Variants in DLG2 observed in about 807,000 individuals in gnomAD.
The protein encoded by DLG2 is disks large homolog 2.
A neutral mutation model predicts 132.5 loss-of-function variants in DLG2; 45 were observed. The observed-to-expected ratio is 0.34, with a 90% CI of 0.27 to 0.44. DLG2 has a LOEUF of 0.44. Ranked by LOEUF, DLG2 falls within the 20% of genes least tolerant of loss-of-function variation. The probability of loss-of-function intolerance (pLI) is 1.00; values close to 1 mark genes in which losing one functional copy is unlikely to be tolerated. For missense variants in DLG2, 1,045 were observed against 1,196.9 expected (o/e 0.87, Z 1.87); for synonymous variants, 424 against 419.6 (o/e 1.01, Z -0.13).
At chr11:85,064,741 A>G in intron 6 of DLG2, among the ~76,000 whole-genome samples, 1 of 151,772 alleles carries the variant, frequency 6.6e-6, no homozygotes, top group Non-Finnish European at 1.5e-5. Flanking sequence ...ATTAAAACAG[A>G]TTACCCTTCA....
intron 14 of DLG2, among the ~76,000 whole-genome samples, chr11:83,955,323 T>G (rs2086554456): frequency 6.6e-6 from 1 of 152,188 alleles, no homozygotes; most frequent in African/African-American, 2.4e-5. Flanking sequence ...ACACACCTAA[T>G]CACTCTGTTA....
At chr11:85,565,714 C>T (rs925024207) in intron 3 of DLG2, among the ~76,000 whole-genome samples, 4 of 152,044 alleles carry the variant, frequency 2.6e-5, no homozygotes, top group African/African-American at 9.7e-5. Flanking sequence ...CAAATGGGTA[C>T]TCCACTGTGA....
At chr11:83,499,604 AC>A (rs1179596471) in intron 21 of DLG2, among the ~76,000 whole-genome samples, 1 of 149,262 alleles carries the variant, frequency 6.7e-6, no homozygotes, top group Non-Finnish European at 1.5e-5. Flanking sequence ...CCCTTTCAAC[AC>A]CCTCTACACT....
At chr11:84,212,736 T>C (rs10751109) in intron 8 of DLG2, among the ~76,000 whole-genome samples, 121,047 of 152,060 alleles carry the variant, frequency 0.8, 49,661 homozygotes, top group Middle Eastern at 0.93. Flanking sequence ...CTCGGCTCAC[T>C]GCAACCTCCG....
At chr11:84,487,476 C>A (rs2154494991) in intron 7 of DLG2, among the ~76,000 whole-genome samples, 1 of 152,000 alleles carries the variant, frequency 6.6e-6, no homozygotes, top group South Asian at 2.1e-4. Flanking sequence ...GGGAAAGAGT[C>A]AGATGTATTT....
intron 6 of DLG2, among the ~76,000 whole-genome samples, chr11:84,622,810 A>T (rs1316470061): frequency 6.6e-6 from 1 of 152,186 alleles, no homozygotes; most frequent in Non-Finnish European, 1.5e-5. Context: ...CTAAACATGG[A>T]AAGCTTTGAA....
At chr11:85,346,000 G>A (rs1220066473) in intron 3 of DLG2, among the ~76,000 whole-genome samples, 4 of 151,898 alleles carry the variant, frequency 2.6e-5, no homozygotes, top group African/African-American at 9.7e-5. Context: ...AGAATTCAGG[G>A]CGAGTCCACA....
chr11:84,604,047 G>T (rs1339194368), intron 6 of DLG2, among the ~76,000 whole-genome samples: 1 of 151,948 alleles, frequency 6.6e-6, no homozygotes, highest in African/African-American at 2.4e-5. Context: ...GTAATAAGCT[G>T]CTACTAATTT....
chr11:85,343,010 T>G (rs55670353), intron 3 of DLG2, among the ~76,000 whole-genome samples: 1 of 151,784 alleles, frequency 6.6e-6, no homozygotes, highest in African/African-American at 2.4e-5. Context: ...TCTCCCTAAC[T>G]TTAATGCTGT....
intron 3 of DLG2, among the ~76,000 whole-genome samples, chr11:85,332,790 C>G (rs1375276709): frequency 6.6e-6 from 1 of 152,084 alleles, no homozygotes; most frequent in Non-Finnish European, 1.5e-5. Flanking sequence ...TTTCCAGGTT[C>G]TCTAACTTGC....
intron 3 of DLG2, among the ~76,000 whole-genome samples, chr11:85,437,870 C>T (rs963711737): frequency 2.0e-5 from 3 of 152,120 alleles, no homozygotes; most frequent in Admixed American, 6.6e-5. Flanking sequence ...GACGTACTCA[C>T]CCACACTATC....
At chr11:83,679,303 A>T (rs979246666) in intron 18 of DLG2, among the ~76,000 whole-genome samples, 4 of 152,182 alleles carry the variant, frequency 2.6e-5, no homozygotes, top group African/African-American at 4.8e-5. Flanking sequence ...GACATCATAA[A>T]CTATATTTAC....
At chr11:84,107,013 T>TGTGTGTGTGTGAGAGAGAGA (rs1555348732) in intron 9 of DLG2, among the ~76,000 whole-genome samples, 1 of 126,106 alleles carries the variant, frequency 7.9e-6, no homozygotes. Flanking sequence ...TGTGTGTGTG[T>TGTGTGTGTGTGAGAGAGAGA]GAGAGAGTTT....
At chr11:84,767,635 T>TA (rs1236781414) in intron 6 of DLG2, among the ~76,000 whole-genome samples, 1 of 152,014 alleles carries the variant, frequency 6.6e-6, no homozygotes, top group Non-Finnish European at 1.5e-5. Context: ...TTTTTTTTTT[T>TA]ATTAAGCTAT....
chr11:83,538,471 T>C (rs1184219237), intron 20 of DLG2, among the ~76,000 whole-genome samples: 1 of 152,224 alleles, frequency 6.6e-6, no homozygotes, highest in Non-Finnish European at 1.5e-5. Context: ...ACTTGAATTA[T>C]CTGACTTTCT....
chr11:83,868,624 C>G (rs778030998), intron 16 of DLG2, among the ~76,000 whole-genome samples: 1 of 151,930 alleles, frequency 6.6e-6, no homozygotes, highest in Non-Finnish European at 1.5e-5. Flanking sequence ...ATCCTTTGCC[C>G]TTTACCCAAC....
At chr11:83,754,285 T>C (rs2093558431) in intron 18 of DLG2, among the ~76,000 whole-genome samples, 1 of 151,170 alleles carries the variant, frequency 6.6e-6, no homozygotes, top group Non-Finnish European at 1.5e-5. Flanking sequence ...CACTAACTTT[T>C]TAATGAGTAT....
chr11:83,878,153 G>A (rs565775188), intron 15 of DLG2, among the ~76,000 whole-genome samples: 2 of 152,098 alleles, frequency 1.3e-5, no homozygotes, highest in Non-Finnish European at 2.9e-5. Context: ...AGCACCCAGG[G>A]CTATGAATCA....
intron 17 of DLG2, among the ~76,000 whole-genome samples, chr11:83,798,869 C>A (rs1417700857): frequency 1.3e-5 from 2 of 152,086 alleles, no homozygotes; most frequent in Admixed American, 6.5e-5. Context: ...TGAGATGCAA[C>A]GAAGTGAAAA....
Sources: gnomAD v4.1 joint callset for allele counts (sites outside exome capture counted in the v4.1 genomes callset) on GRCh38, gnomAD v4.1.1 for gene constraint, MANE v1.5 for transcripts, NCBI Gene and HGNC (gene_info 2026-07-23, HGNC 2026-07-21) for gene names.